SORCS1: variants seen among roughly 807,000 people sequenced by gnomAD.
SORCS1 encodes VPS10 domain-containing receptor SorCS1.
Under a neutral mutation model 146.1 loss-of-function variants are expected in SORCS1, and 60 were observed. The ratio of observed to expected loss-of-function variants is 0.41; its 90% CI spans 0.33 to 0.51. The LOEUF (loss-of-function observed/expected upper bound fraction) is 0.51. SORCS1 is among the 20% of genes least tolerant of loss of function. The pLI, the probability that SORCS1 is intolerant of heterozygous loss-of-function variation, is 0.21. For missense variants in SORCS1, 1,352 were observed against 1,487.6 expected (o/e 0.91, Z 1.50); for synonymous variants, 637 against 584.0 (o/e 1.09, Z -1.31).
chr10:107,031,580 T>C (rs1320416338), intron 1 of SORCS1, among the ~76,000 whole-genome samples: 1 of 151,770 alleles, frequency 6.6e-6, no homozygotes, highest in Non-Finnish European at 1.5e-5. Flanking sequence ...AAAATGTGAA[T>C]GACAACCAAT....
At chr10:107,168,364 G>T (rs149113597), upstream of SORCS1, among the ~76,000 whole-genome samples, 10 of 152,056 alleles carry the variant, frequency 6.6e-5, no homozygotes, top group Non-Finnish European at 1.3e-4. Context: ...CTTTCTAAGC[G>T]TATATTACAG....
intron 1 of SORCS1, among the ~76,000 whole-genome samples, chr10:107,143,698 G>A (rs1174231497): frequency 1.3e-5 from 2 of 152,056 alleles, no homozygotes; most frequent in African/African-American, 4.8e-5. Context: ...TAGAGATGGG[G>A]TTTCAGCATG....
intron 1 of SORCS1, among the ~76,000 whole-genome samples, chr10:106,965,832 A>G (rs1955468434): frequency 6.6e-6 from 1 of 152,232 alleles, no homozygotes; most frequent in South Asian, 2.1e-4. Flanking sequence ...CCTGTCAGAC[A>G]TGGTACTAGT....
intron 1 of SORCS1, among the ~76,000 whole-genome samples, chr10:107,115,548 T>C (rs1230506059): frequency 6.6e-6 from 1 of 152,000 alleles, no homozygotes. Flanking sequence ...ACAATATCCA[T>C]ACGCAGAAAA....
chr10:106,850,149 G>T (rs1228846576), intron 2 of SORCS1, among the ~76,000 whole-genome samples: 4 of 151,746 alleles, frequency 2.6e-5, no homozygotes, highest in African/African-American at 9.7e-5. Context: ...GTTTACCTAA[G>T]CAAGCCTGGG....
At position 106,926,632 on chromosome 10, in the gene SORCS1, C is replaced by T. The variant is rs184417363; in HGVS notation, c.626+29881G>A. On this transcript the variant is annotated intron_variant, in intron 2 of 25. Transcript: ENST00000263054. Reference sequence around the variant, plus strand: ...GAAAATCTCATATCGTTAAAACTAACAAGACAGTAAACAAACTAGAGTATA... The same window carrying T: ...GAAAATCTCATATCGTTAAAACTAATAAGACAGTAAACAAACTAGAGTATA... Among the ~76,000 whole-genome samples, 9 of 152,060 alleles carry T rather than the reference C, an allele frequency of 5.9e-5. No individual in the cohort carries two copies. The East Asian group carries it at 1.7e-3, about 29-fold the overall frequency.
upstream of SORCS1, among the ~76,000 whole-genome samples, chr10:107,168,298 C>T (rs1325675183): frequency 6.6e-6 from 1 of 152,190 alleles, no homozygotes; most frequent in Non-Finnish European, 1.5e-5. Flanking sequence ...TTTTCCTGAA[C>T]CTCTGCCTAC....
intron 2 of SORCS1, among the ~76,000 whole-genome samples, chr10:106,838,058 C>G (rs568946994): frequency 6.6e-6 from 1 of 152,200 alleles, no homozygotes; most frequent in Non-Finnish European, 1.5e-5. Flanking sequence ...ACAGTAGGCA[C>G]TATTTGCTTT....
chr10:106,869,236 A>T (rs763371359), intron 2 of SORCS1, among the ~76,000 whole-genome samples: 1 of 152,202 alleles, frequency 6.6e-6, no homozygotes, highest in Non-Finnish European at 1.5e-5. Context: ...GAACAGATGG[A>T]TTCACAGCCA....
chr10:106,636,814 A>C (rs543437109), intron 18 of SORCS1, among the ~76,000 whole-genome samples: 35 of 152,236 alleles, frequency 2.3e-4, no homozygotes, highest in Non-Finnish European at 7.3e-5. Context: ...ACTAGTTTGA[A>C]TCAGGCTGTT....
At chr10:107,121,905 T>C (rs1010654671) in intron 1 of SORCS1, among the ~76,000 whole-genome samples, 70 of 152,162 alleles carry the variant, frequency 4.6e-4, no homozygotes, top group African/African-American at 1.6e-3. Context: ...TTTCACCTTT[T>C]AATACAAAAA....
intron 2 of SORCS1, among the ~76,000 whole-genome samples, chr10:106,877,464 C>G (rs144301147): frequency 1.3e-5 from 2 of 152,178 alleles, no homozygotes; most frequent in African/African-American, 4.8e-5. Flanking sequence ...GCCTGTAGTT[C>G]CAGTTTCTCA....
In SORCS1 at chr10:106,999,662, A is replaced by G. The variant is rs74154813; in HGVS notation, c.559-43082T>C. 8.2e-3 allele frequency among the ~76,000 whole-genome samples: 1,242 copies of G among 152,278 alleles called. 20 individuals carry two copies. The highest frequency in any genetic ancestry group is 0.028 in the African/African-American group (1,166 of 41,552). On this transcript the variant is annotated intron_variant, in intron 1 of 25. Coordinates refer to ENST00000263054, the MANE Select transcript of SORCS1 (RefSeq NM_052918.5). The stretch of plus-strand genomic sequence containing the variant: ...CACCAGCAGAAGCTTGGCTCTGGCA[A>G]ACAATAATTTAGCTTCAGGGACTTC...
intron 1 of SORCS1, among the ~76,000 whole-genome samples, chr10:107,049,011 C>A (rs544620435): frequency 6.6e-6 from 1 of 151,822 alleles, no homozygotes; most frequent in Admixed American, 6.6e-5. Flanking sequence ...GACTTGGAAC[C>A]AATCCAAATG....
At chr10:106,607,039 C>G (rs1846648245) in intron 23 of SORCS1, 127 bp downstream of exon 23, 1 of 1,273,634 alleles carries the variant, frequency 7.9e-7, no homozygotes, top group South Asian at 1.4e-5. Context: ...CATGAATGCT[C>G]TTGCATGTGC....
chr10:106,890,070 G>A (rs1859690070), intron 2 of SORCS1, among the ~76,000 whole-genome samples: 1 of 151,870 alleles, frequency 6.6e-6, no homozygotes, highest in African/African-American at 2.4e-5. Flanking sequence ...CAGACTTCTG[G>A]GTTCTACCAC....
intron 2 of SORCS1, among the ~76,000 whole-genome samples, chr10:106,907,329 TACTG>T (rs781531154): frequency 6.6e-6 from 1 of 152,194 alleles, no homozygotes; most frequent in African/African-American, 2.4e-5. Context: ...TATAGATTCA[TACTG>T]ACTGACATGA....
intron 4 of SORCS1, among the ~76,000 whole-genome samples, chr10:106,767,691 A>G (rs1859683962): frequency 6.6e-6 from 1 of 151,774 alleles, no homozygotes; most frequent in Non-Finnish European, 1.5e-5. Context: ...TGGTTTCACG[A>G]TGTTGACCAG....
At chr10:106,713,099 A>G (rs1855112802) in intron 6 of SORCS1, among the ~76,000 whole-genome samples, 1 of 152,216 alleles carries the variant, frequency 6.6e-6, no homozygotes, top group Non-Finnish European at 1.5e-5. Flanking sequence ...ACTGTGTCTC[A>G]ATGTGAATGG....
Sources: allele counts gnomAD v4.1 joint callset (sites outside exome capture counted in the v4.1 genomes callset), GRCh38; gene constraint gnomAD v4.1.1; transcripts MANE v1.5; gene names NCBI Gene and HGNC (gene_info 2026-07-23, HGNC 2026-07-21).